Variants in PITPNC1 observed in about 807,000 individuals in gnomAD.
PITPNC1 encodes the protein cytoplasmic phosphatidylinositol transfer protein 1.
In PITPNC1, 18 loss-of-function variants were observed where a neutral mutation model predicts 44.7. The ratio of observed to expected loss-of-function variants is 0.40; its 90% CI spans 0.28 to 0.60. PITPNC1 has a LOEUF of 0.60. PITPNC1 is among the 20% of genes least tolerant of loss of function. The probability of loss-of-function intolerance (pLI) is 0.39; values close to 1 mark genes in which losing one functional copy is unlikely to be tolerated. For synonymous variants in PITPNC1, 141 were observed against 149.6 expected (o/e 0.94, Z 0.42); for missense variants, 290 against 418.4 (o/e 0.69, Z 2.68).
At chr17:67,596,979 C>T (rs574946627) in intron 5 of PITPNC1, among the ~76,000 whole-genome samples, 3 of 152,166 alleles carry the variant, frequency 2.0e-5, no homozygotes, top group Admixed American at 6.5e-5. Context: ...CTGCAACCTC[C>T]ACCTCCTGGG....
intron 1 of PITPNC1, among the ~76,000 whole-genome samples, chr17:67,395,536 C>T (rs1288087650): frequency 1.3e-5 from 2 of 152,040 alleles, no homozygotes; most frequent in African/African-American, 4.8e-5. Context: ...TGTAAATTTC[C>T]TATAGTTAGT....
At chr17:67,633,561 T>A (rs778469673) in intron 6 of PITPNC1, among the ~76,000 whole-genome samples, 15 of 152,244 alleles carry the variant, frequency 9.9e-5, no homozygotes, top group Non-Finnish European at 1.8e-4. Context: ...CGTTTTAACA[T>A]CATCAGCTTT....
chr17:67,398,486 A>ACGTC, intron 1 of PITPNC1, among the ~76,000 whole-genome samples: 1 of 147,204 alleles, frequency 6.8e-6, no homozygotes, highest in Admixed American at 6.7e-5. Context: ...CTTTCTAGGC[A>ACGTC]TTGGTTGTGC....
intron 6 of PITPNC1, among the ~76,000 whole-genome samples, chr17:67,666,361 G>A (rs899322780): frequency 6.6e-6 from 1 of 152,128 alleles, no homozygotes; most frequent in Non-Finnish European, 1.5e-5. Flanking sequence ...TGGGGGAGAA[G>A]GAACTTCAGG....
rs576796094 is a variant in PITPNC1 at position 67,661,572 on chromosome 17, G to A, written c.463-7936G>A. 7.4e-4 allele frequency among the ~76,000 whole-genome samples: 113 copies of A among 152,224 alleles called. No individual in the cohort carries two copies. In the Middle Eastern group the frequency reaches 0.037, roughly 50 times the overall value. Reference sequence around the variant, plus strand: ...AGGGTTGCGTCTGTTCTGAGTGGAGGGAAGTGCTCTGTGACCACACATGCC... The same window carrying A: ...AGGGTTGCGTCTGTTCTGAGTGGAGAGAAGTGCTCTGTGACCACACATGCC... On this transcript the variant is annotated intron_variant, in intron 6 of 8. Transcript: ENST00000581322.
At chr17:67,467,812 G>A (rs2039449962) in intron 1 of PITPNC1, among the ~76,000 whole-genome samples, 2 of 152,170 alleles carry the variant, frequency 1.3e-5, no homozygotes, top group Admixed American at 6.5e-5. Flanking sequence ...GTAGAAAGCC[G>A]TCCCTGGGAA....
intron 1 of PITPNC1, among the ~76,000 whole-genome samples, chr17:67,510,319 C>T (rs1186396661): frequency 6.6e-6 from 1 of 152,240 alleles, no homozygotes; most frequent in African/African-American, 2.4e-5. Flanking sequence ...CTTTGGCCAC[C>T]ATGTGGCCCA....
chr17:67,384,843 A>T (rs775006961), intron 1 of PITPNC1, among the ~76,000 whole-genome samples: 1 of 152,218 alleles, frequency 6.6e-6, no homozygotes, highest in Non-Finnish European at 1.5e-5. Context: ...AATATAAAGG[A>T]TAAAGACTCC....
At chr17:67,618,873 C>T (rs1306162727) in intron 5 of PITPNC1, among the ~76,000 whole-genome samples, 1 of 152,072 alleles carries the variant, frequency 6.6e-6, no homozygotes, top group East Asian at 1.9e-4. Context: ...TCCTGGCTAA[C>T]ATAGTAAAAC....
intron 1 of PITPNC1, among the ~76,000 whole-genome samples, chr17:67,396,456 C>T (rs1209122525): frequency 6.6e-6 from 1 of 151,550 alleles, no homozygotes; most frequent in East Asian, 2.0e-4. Context: ...ACTGCAACCT[C>T]TGCCCTCAGG....
At chr17:67,659,751 CTTATT>C (rs993813876) in intron 6 of PITPNC1, among the ~76,000 whole-genome samples, 1 of 152,024 alleles carries the variant, frequency 6.6e-6, no homozygotes, top group African/African-American at 2.4e-5. Flanking sequence ...AACATTATTT[CTTATT>C]TTATTTTTTA....
At chr17:67,575,787 TTTCTTTCCTTCTTTCTTTCTTTC>T (rs1568047678) in intron 4 of PITPNC1, among the ~76,000 whole-genome samples, 6 of 91,356 alleles carry the variant, frequency 6.6e-5, no homozygotes, top group Non-Finnish European at 9.6e-5. Flanking sequence ...CTTTCTTTTC[TTTCTTTCCTTCTTTCTTTCTTTC>T]TTTCTTTCTT....
intron 1 of PITPNC1, among the ~76,000 whole-genome samples, chr17:67,422,072 A>G (rs959039050): frequency 6.6e-6 from 1 of 152,154 alleles, no homozygotes; most frequent in Admixed American, 6.5e-5. Flanking sequence ...TGTGACTTGC[A>G]GGAAGTATGA....
chr17:67,490,065 A>T (rs1249989543), intron 1 of PITPNC1, among the ~76,000 whole-genome samples: 3 of 151,552 alleles, frequency 2.0e-5, no homozygotes, highest in Non-Finnish European at 4.4e-5. Flanking sequence ...ATATCTTCAG[A>T]TTTGTACATC....
At chr17:67,465,662 G>A (rs1462636090) in intron 1 of PITPNC1, among the ~76,000 whole-genome samples, 1 of 152,134 alleles carries the variant, frequency 6.6e-6, no homozygotes, top group Non-Finnish European at 1.5e-5. Context: ...AGGGAAATGA[G>A]GCTCCTCTCT....
chr17:67,459,216 C>T (rs982724969), intron 1 of PITPNC1, among the ~76,000 whole-genome samples: 1 of 145,520 alleles, frequency 6.9e-6, no homozygotes, highest in Non-Finnish European at 1.5e-5. Flanking sequence ...CTGCCAGGTT[C>T]AAGCGATTCT....
At chr17:67,499,055 A>G (rs538853631) in intron 1 of PITPNC1, among the ~76,000 whole-genome samples, 38 of 151,044 alleles carry the variant, frequency 2.5e-4, no homozygotes, top group African/African-American at 8.0e-4. Context: ...TGTATTTTTA[A>G]CAGAGACAGA....
chr17:67,395,913 C>T (rs1285546453), intron 1 of PITPNC1, among the ~76,000 whole-genome samples: 2 of 152,114 alleles, frequency 1.3e-5, no homozygotes, highest in Non-Finnish European at 2.9e-5. Context: ...GACAAATGCT[C>T]ATTTTTTAAT....
chr17:67,424,310 C>T (rs2038713523), intron 1 of PITPNC1, among the ~76,000 whole-genome samples: 1 of 152,054 alleles, frequency 6.6e-6, no homozygotes, highest in African/African-American at 2.4e-5. Flanking sequence ...CACTATGTCA[C>T]CATCGTATTT....
Sources: gnomAD v4.1 joint callset for allele counts (sites outside exome capture counted in the v4.1 genomes callset) on GRCh38, gnomAD v4.1.1 for gene constraint, MANE v1.5 for transcripts, NCBI Gene and HGNC (gene_info 2026-07-23, HGNC 2026-07-21) for gene names.